Variants in PTK2 observed in about 807,000 individuals in gnomAD.
PTK2 encodes focal adhesion kinase 1.
In PTK2, 45 loss-of-function variants were observed where a neutral mutation model predicts 150.1. That is an observed-to-expected ratio of 0.30 (90% CI 0.24 to 0.38). The LOEUF is 0.38. Among genes scored for constraint, PTK2 ranks in the 10% least tolerant of loss-of-function variants. The pLI is 1.00. For synonymous variants in PTK2, 432 were observed against 449.2 expected (o/e 0.96, Z 0.48); for missense variants, 919 against 1,307.3 (o/e 0.70, Z 4.58).
At chr8:140,952,977 A>G (rs999164148) in intron 1 of PTK2, among the ~76,000 whole-genome samples, 1 of 152,204 alleles carries the variant, frequency 6.6e-6, no homozygotes, top group Admixed American at 6.5e-5. Context: ...CACCTTACGC[A>G]TATCTCACAG....
At chr8:140,746,632 C>T in intron 18 of PTK2, 128 bp downstream of exon 21, 1 of 637,846 alleles carries the variant, frequency 1.6e-6, no homozygotes. Flanking sequence ...GAACCAAAAC[C>T]ATAATGACAT....
intron 1 of PTK2, among the ~76,000 whole-genome samples, chr8:140,957,999 G>A (rs2100181779): frequency 1.3e-5 from 2 of 152,192 alleles, no homozygotes; most frequent in African/African-American, 4.8e-5. Context: ...TATCTCTCAT[G>A]AAATAGCAAA....
chr8:140,713,926 G>T (rs895503860), intron 23 of PTK2, among the ~76,000 whole-genome samples: 1 of 151,942 alleles, frequency 6.6e-6, no homozygotes, highest in Non-Finnish European at 1.5e-5. Context: ...TTGTTCTGTT[G>T]CCCAGGCTGG....
At chr8:140,838,824 G>A (rs1383382187) in intron 7 of PTK2, among the ~76,000 whole-genome samples, 1 of 152,060 alleles carries the variant, frequency 6.6e-6, no homozygotes, top group Non-Finnish European at 1.5e-5. Context: ...GGCTAACATG[G>A]TGAAATCCCG....
chr8:140,981,057 G>A (rs549866374), intron 1 of PTK2, among the ~76,000 whole-genome samples: 9 of 145,654 alleles, frequency 6.2e-5, no homozygotes, highest in African/African-American at 2.0e-4. Context: ...ACCGCACCCA[G>A]CCTCTAAAGC....
At chr8:140,961,616 C>T (rs544066326) in intron 1 of PTK2, among the ~76,000 whole-genome samples, 171 of 151,076 alleles carry the variant, frequency 1.1e-3, no homozygotes, top group African/African-American at 3.8e-3. Context: ...GAGCCAAGGT[C>T]GCGCCACTGG....
intron 2 of PTK2, among the ~76,000 whole-genome samples, chr8:140,906,455 T>C (rs994467563): frequency 6.6e-6 from 1 of 152,198 alleles, no homozygotes; most frequent in Non-Finnish European, 1.5e-5. Flanking sequence ...CAATGTGGTA[T>C]ATATACACAA....
chr8:140,934,654 A>G (rs886626007), intron 1 of PTK2: 1 of 152,226 alleles, frequency 6.6e-6, no homozygotes, highest in African/African-American at 2.4e-5. Context: ...TAAGAGATCT[A>G]AACCACCCAT....
Position 140,758,953 on chromosome 8 carries a change from T to TACA in PTK2, c.1332+2209_1332+2211dup, listed in dbSNP as rs561099644. 2.6e-5 allele frequency among the ~76,000 whole-genome samples: 4 copies of TACA among 152,338 alleles called. No individual in the cohort carries two copies. In the South Asian group the frequency reaches 6.2e-4, roughly 24 times the overall value. ...ATTTAGATATGCAAATACCATGTGC[T>TACA]ACAACTGCCCACAGTATTCAATACA... is the stretch of plus-strand genomic sequence containing the variant. On this transcript the variant is annotated intron_variant, in intron 16 of 31. Transcript: ENST00000522684.
At chr8:140,862,687 A>G (rs2100136937) in intron 5 of PTK2, among the ~76,000 whole-genome samples, 1 of 152,166 alleles carries the variant, frequency 6.6e-6, no homozygotes, top group African/African-American at 2.4e-5. Context: ...GCCTCCTGTC[A>G]GATAAGCAGT....
chr8:140,712,372 A>T (rs190444480), intron 23 of PTK2, among the ~76,000 whole-genome samples: 1 of 152,348 alleles, frequency 6.6e-6, no homozygotes, highest in Non-Finnish European at 1.5e-5. Flanking sequence ...ATGAGGGGAA[A>T]AAAAGTAAAC....
intron 16 of PTK2, among the ~76,000 whole-genome samples, chr8:140,760,948 TG>T (rs946414238): frequency 6.6e-6 from 1 of 152,142 alleles, no homozygotes; most frequent in Non-Finnish European, 1.5e-5. Context: ...AAGATTAAAA[TG>T]AATAAAAGAC....
intron 14 of PTK2, among the ~76,000 whole-genome samples, chr8:140,789,226 T>C (rs1170670305): frequency 2.0e-5 from 3 of 151,830 alleles, no homozygotes; most frequent in Admixed American, 6.6e-5. Flanking sequence ...CAAAAATAAT[T>C]TGGAATTCTA....
chr8:140,875,304 G>A (rs902024922), intron 4 of PTK2, among the ~76,000 whole-genome samples: 4 of 152,062 alleles, frequency 2.6e-5, no homozygotes, highest in East Asian at 3.8e-4. Context: ...CAAAGAAAGC[G>A]TTAATTAAGA....
chr8:140,919,435 A>C (rs1198735886), intron 2 of PTK2, among the ~76,000 whole-genome samples: 3 of 152,210 alleles, frequency 2.0e-5, no homozygotes, highest in Non-Finnish European at 4.4e-5. Context: ...CACTGAATAA[A>C]AAGAAATCCA....
intron 4 of PTK2, among the ~76,000 whole-genome samples, chr8:140,868,819 G>C (rs548362002): frequency 6.6e-6 from 1 of 152,252 alleles, no homozygotes; most frequent in East Asian, 1.9e-4. Context: ...GAAGACTTAA[G>C]GAGACATGAC....
intron 1 of PTK2, among the ~76,000 whole-genome samples, chr8:140,951,753 A>G (rs2100179618): frequency 6.6e-6 from 1 of 152,118 alleles, no homozygotes; most frequent in African/African-American, 2.4e-5. Context: ...GCATGGTAGC[A>G]TGTGCCTATA....
At chr8:140,888,210 T>C (rs2100153007) in intron 3 of PTK2, among the ~76,000 whole-genome samples, 1 of 152,252 alleles carries the variant, frequency 6.6e-6, no homozygotes, top group Non-Finnish European at 1.5e-5. Flanking sequence ...TAATGTTCCT[T>C]TGTCTGATAC....
At chr8:140,965,688 C>A (rs957159055) in intron 1 of PTK2, among the ~76,000 whole-genome samples, 7 of 152,238 alleles carry the variant, frequency 4.6e-5, no homozygotes, top group African/African-American at 1.4e-4. Context: ...ACCAGCCTGG[C>A]CAACATGGCA....
Sources: gnomAD v4.1 joint callset for allele counts (sites outside exome capture counted in the v4.1 genomes callset) on GRCh38, gnomAD v4.1.1 for gene constraint, MANE v1.5 for transcripts, NCBI Gene and HGNC (gene_info 2026-07-23, HGNC 2026-07-21) for gene names.